The following ODAD2 variants were observed in gnomAD, a reference collection of about 807,000 sequenced individuals.
The protein encoded by ODAD2 is outer dynein arm docking complex subunit 2, also known as outer dynein arm-docking complex subunit 2.
In ODAD2, 89 loss-of-function variants were observed where a neutral mutation model predicts 106.8. That is an observed-to-expected ratio of 0.83 (90% CI 0.70 to 0.99). ODAD2 has a LOEUF of 0.99. Among genes scored for constraint, ODAD2 ranks in the 50% least tolerant of loss-of-function variants. The pLI is 0.00. For missense variants in ODAD2, 1,168 were observed against 1,238.5 expected, an observed-to-expected ratio of 0.94 and a Z score of 0.85; for synonymous variants, 404 against 436.2, an observed-to-expected ratio of 0.93 and a Z score of 0.92.
intron 19 of ODAD2, among the ~76,000 whole-genome samples, chr10:27,824,119 C>T (rs1189378157): frequency 1.3e-4 from 11 of 86,348 alleles, no homozygotes; most frequent in Non-Finnish European, 1.8e-4. Context: ...CCAGCCTGGG[C>T]GACAGCGAGA....
intron 14 of ODAD2, among the ~76,000 whole-genome samples, chr10:27,939,313 C>A (rs1377978185): frequency 6.6e-6 from 1 of 152,182 alleles, no homozygotes; most frequent in African/African-American, 2.4e-5. Flanking sequence ...CTTCTAGAAA[C>A]AAATAGTCCC....
At chr10:27,903,730 T>C (rs1843379727) in intron 17 of ODAD2, among the ~76,000 whole-genome samples, 1 of 152,094 alleles carries the variant, frequency 6.6e-6, no homozygotes, top group Non-Finnish European at 1.5e-5. Flanking sequence ...TACCTAGGAA[T>C]AGGGCCATCT....
intron 19 of ODAD2, 104 bp downstream of exon 19, chr10:27,860,521 G>T: frequency 1.9e-6 from 2 of 1,056,832 alleles, no homozygotes; most frequent in Non-Finnish European, 2.8e-6. Context: ...AGGCACTTTT[G>T]TGTCTCTGAA....
intron 9 of ODAD2, among the ~76,000 whole-genome samples, chr10:27,963,562 C>G (rs976106341): frequency 2.0e-5 from 3 of 152,114 alleles, no homozygotes; most frequent in Non-Finnish European, 4.4e-5. Flanking sequence ...TCCTCTAACT[C>G]TGAAATCCAA....
At chr10:27,838,674 G>A (rs894705745) in intron 19 of ODAD2, among the ~76,000 whole-genome samples, 1 of 152,156 alleles carries the variant, frequency 6.6e-6, no homozygotes, top group African/African-American at 2.4e-5. Flanking sequence ...CAGATTCCTC[G>A]ACTTTTTGGC....
intron 16 of ODAD2, among the ~76,000 whole-genome samples, chr10:27,930,008 A>G (rs141255601): frequency 1.4e-4 from 21 of 152,136 alleles, no homozygotes; most frequent in African/African-American, 4.6e-4. Flanking sequence ...AGGAATACCA[A>G]TTACGTTTAT....
At chr10:27,845,776 T>C (rs1838695245) in intron 19 of ODAD2, among the ~76,000 whole-genome samples, 2 of 152,144 alleles carry the variant, frequency 1.3e-5, no homozygotes, top group South Asian at 4.1e-4. Context: ...GCAATCCTAG[T>C]CTCTGATAAA....
intron 12 of ODAD2, among the ~76,000 whole-genome samples, chr10:27,941,145 C>G (rs781540426): frequency 1.3e-5 from 2 of 152,018 alleles, no homozygotes; most frequent in Admixed American, 6.6e-5. Context: ...TCCCTAAAAC[C>G]ATTAGCACTT....
Position 27,960,586 on chromosome 10 carries a change from A to G in ODAD2, c.1386+982T>C, listed in dbSNP as rs537601320. Among the ~76,000 whole-genome samples the G allele has an allele frequency of 2.0e-4, 30 of 151,936 alleles. No individual in the cohort carries two copies. The East Asian group carries it at 5.2e-3, about 27-fold the overall frequency. Reference sequence around the variant, plus strand: ...GCTGGTCTTGAACTCCTGACCTCAGACGATCCACCCTCCTCGGCCTCCCAA... The same window carrying G: ...GCTGGTCTTGAACTCCTGACCTCAGGCGATCCACCCTCCTCGGCCTCCCAA... On this transcript the variant is annotated intron_variant, in intron 10 of 19. Coordinates refer to ENST00000305242, the MANE Select transcript of ODAD2 (RefSeq NM_018076.5).
chr10:27,990,809 G>A (rs376330136), intron 2 of ODAD2, among the ~76,000 whole-genome samples: 28 of 152,248 alleles, frequency 1.8e-4, no homozygotes, highest in African/African-American at 6.3e-4. Context: ...TTGCTCTGGT[G>A]ACCTGACTTC....
At chr10:27,996,717 T>C (rs919015536) in intron 1 of ODAD2, among the ~76,000 whole-genome samples, 5 of 152,232 alleles carry the variant, frequency 3.3e-5, no homozygotes, top group Admixed American at 2.0e-4. Flanking sequence ...TTGTTTTACA[T>C]GGAATTTTAC....
At chr10:27,941,720 T>C (rs1403091523) in intron 12 of ODAD2, among the ~76,000 whole-genome samples, 1 of 150,420 alleles carries the variant, frequency 6.6e-6, no homozygotes, top group Non-Finnish European at 1.5e-5. Context: ...CAGACCTCCC[T>C]AGAGCTGCAA....
At chr10:27,866,616 G>A (rs1351943282) in intron 17 of ODAD2, among the ~76,000 whole-genome samples, 1 of 152,144 alleles carries the variant, frequency 6.6e-6, no homozygotes, top group Non-Finnish European at 1.5e-5. Flanking sequence ...GCCAGCATCT[G>A]CTTCTGGTGA....
chr10:27,888,954 A>C (rs969388217), intron 17 of ODAD2, among the ~76,000 whole-genome samples: 7 of 152,202 alleles, frequency 4.6e-5, no homozygotes, highest in African/African-American at 1.7e-4. Context: ...TGAAACTATA[A>C]AACTTTTAGA....
intron 14 of ODAD2, among the ~76,000 whole-genome samples, chr10:27,937,341 T>TC: frequency 8.9e-6 from 1 of 112,894 alleles, no homozygotes; most frequent in Non-Finnish European, 1.7e-5. Context: ...TCTTTTTTCT[T>TC]TTTTTTTTTT....
In ODAD2 at chr10:27,970,943, G is replaced by T. The variant is rs188423517; in HGVS notation, c.1142+165C>A. 7.1e-3 allele frequency among the ~76,000 whole-genome samples: 1,081 copies of T among 151,926 alleles called. 10 individuals are homozygous for T. Among genetic ancestry groups the T allele is most frequent in the African/African-American group, 0.025 (1,017 of 41,424 alleles). Reference sequence around the variant, plus strand: ...GCTGAGATGGCACCACTGCACTCCTGCCTGGGCAACAGAGCAAGACTCCAT... The same window carrying T: ...GCTGAGATGGCACCACTGCACTCCTTCCTGGGCAACAGAGCAAGACTCCAT... On this transcript the variant is annotated intron_variant, in intron 8 of 19. Transcript: ENST00000305242.
At chr10:27,994,104 T>C (rs1300254266) in intron 2 of ODAD2, among the ~76,000 whole-genome samples, 1 of 152,036 alleles carries the variant, frequency 6.6e-6, no homozygotes, top group Non-Finnish European at 1.5e-5. Context: ...TTTATGCGTA[T>C]GTGTGTGTAT....
intron 17 of ODAD2, among the ~76,000 whole-genome samples, chr10:27,897,882 C>T (rs1008129641): frequency 6.6e-6 from 1 of 151,870 alleles, no homozygotes; most frequent in Admixed American, 6.6e-5. Context: ...CTAGTTTAGA[C>T]CTTGGGGCCA....
intron 17 of ODAD2, among the ~76,000 whole-genome samples, chr10:27,869,817 G>A (rs1428481581): frequency 1.3e-5 from 2 of 152,186 alleles, no homozygotes; most frequent in Admixed American, 1.3e-4. Context: ...TTACAGGCAT[G>A]AGCCACCATG....
Sources: allele counts gnomAD v4.1 joint callset (sites outside exome capture counted in the v4.1 genomes callset), GRCh38; gene constraint gnomAD v4.1.1; transcripts MANE v1.5; gene names NCBI Gene and HGNC (gene_info 2026-07-23, HGNC 2026-07-21).